ZDHHC14: variants seen among roughly 807,000 people sequenced by gnomAD.
The protein encoded by ZDHHC14 is zDHHC palmitoyltransferase 14.
In ZDHHC14, 16 loss-of-function variants were observed where a neutral mutation model predicts 47.7. The ratio of observed to expected loss-of-function variants is 0.34; its 90% CI spans 0.23 to 0.51. ZDHHC14 has a LOEUF of 0.51. Ranked by LOEUF, ZDHHC14 falls within the 20% of genes least tolerant of loss-of-function variation. The pLI is 0.97. For synonymous variants in ZDHHC14, 293 were observed against 278.9 expected (o/e 1.05, Z -0.50); for missense variants, 515 against 662.5 (o/e 0.78, Z 2.44).
intron 1 of ZDHHC14, among the ~76,000 whole-genome samples, chr6:157,481,446 A>G (rs1779628546): frequency 6.6e-6 from 1 of 152,172 alleles, no homozygotes; most frequent in Admixed American, 6.5e-5. Context: ...GCTGGTCAAG[A>G]GGAGGCCCCA....
rs1396756409 is a variant in ZDHHC14 at position 157,675,124 on chromosome 6, G to A, written c.*2002G>A. The A allele has an allele frequency of 2.0e-5, 3 of 152,268 alleles. No homozygotes were observed. The highest frequency in any genetic ancestry group is 4.4e-5 in the Non-Finnish European group (3 of 68,104). The allele number at this position is 152,268 out of a possible 1,614,324, so 9.4% of individuals were successfully genotyped here. A position where few individuals can be genotyped will look rare whatever the true frequency, so the allele number is the denominator to read the frequency against. On this transcript the variant is annotated 3_prime_UTR_variant, in exon 9 of 9. Transcript: ENST00000359775. ...TCCACCTGCTCCCCAGAGGCCCCAG[G>A]AAGGAGTTGGCCCTGATGAGAACGG... is the stretch of plus-strand genomic sequence containing the variant.
intron 5 of ZDHHC14, among the ~76,000 whole-genome samples, chr6:157,642,077 GTTGGAAA>G (rs1297154675): frequency 1.3e-5 from 2 of 150,476 alleles, no homozygotes; most frequent in African/African-American, 4.9e-5. Flanking sequence ...TAGTTATCAT[GTTGGAAA>G]TTAGAACTAA....
chr6:157,553,205 A>AT (rs1782316593), intron 2 of ZDHHC14, among the ~76,000 whole-genome samples: 1 of 152,178 alleles, frequency 6.6e-6, no homozygotes, highest in African/African-American at 2.4e-5. Flanking sequence ...GTGGTCAGAG[A>AT]TTCCCTGGGG....
chr6:157,637,291 A>G (rs1440622685), intron 5 of ZDHHC14, among the ~76,000 whole-genome samples: 1 of 152,086 alleles, frequency 6.6e-6, no homozygotes, highest in Non-Finnish European at 1.5e-5. Context: ...AGGGCCACTC[A>G]GGGGTCTGGC....
chr6:157,498,326 A>C (rs1285549130), intron 1 of ZDHHC14, among the ~76,000 whole-genome samples: 1 of 152,104 alleles, frequency 6.6e-6, no homozygotes, highest in African/African-American at 2.4e-5. Context: ...GGAGAGTGGA[A>C]GGTAGAGCGC....
At chr6:157,559,827 GA>G (rs2114838806) in intron 2 of ZDHHC14, among the ~76,000 whole-genome samples, 1 of 152,260 alleles carries the variant, frequency 6.6e-6, no homozygotes, top group South Asian at 2.1e-4. Context: ...TCAAGTTTTA[GA>G]AATAAACATG....
In ZDHHC14 at chr6:157,677,785, A is replaced by G. The variant is rs1020847640; in HGVS notation, c.*4663A>G. ...ATGCCTGGTGAAACCGAGAGGCCAC[A>G]TGGCATGTCCAAGGAGACATGCTTT... On this transcript the variant is annotated 3_prime_UTR_variant, in exon 9 of 9. Transcript: ENST00000359775. 19 of 151,178 alleles carry G rather than the reference A, an allele frequency of 1.3e-4. No individual in the cohort carries two copies. Among genetic ancestry groups the G allele is most frequent in the African/African-American group, 4.6e-4 (19 of 41,108 alleles). The allele number at this position is 151,178 out of a possible 1,614,324, so 9.4% of individuals were successfully genotyped here. A position where few individuals can be genotyped will look rare whatever the true frequency, so the allele number is the denominator to read the frequency against.
At chr6:157,531,864 G>C (rs1237896373) in intron 1 of ZDHHC14, among the ~76,000 whole-genome samples, 24 of 152,256 alleles carry the variant, frequency 1.6e-4, no homozygotes, top group Admixed American at 1.6e-3. Context: ...TCGTAACGCC[G>C]AAGACACTTT....
At chr6:157,658,883 T>G (rs1294405600) in intron 8 of ZDHHC14, among the ~76,000 whole-genome samples, 3 of 152,230 alleles carry the variant, frequency 2.0e-5, no homozygotes, top group Non-Finnish European at 4.4e-5. Flanking sequence ...TGTGAAGAAC[T>G]GCTGTTAATT....
chr6:157,640,631 G>T (rs1023690586), intron 5 of ZDHHC14, among the ~76,000 whole-genome samples: 2 of 152,174 alleles, frequency 1.3e-5, no homozygotes, highest in African/African-American at 4.8e-5. Flanking sequence ...CTGGAGCCCA[G>T]TTCTCCCAAC....
chr6:157,452,797 G>T (rs1259636529), intron 1 of ZDHHC14, among the ~76,000 whole-genome samples: 4 of 144,452 alleles, frequency 2.8e-5, no homozygotes, highest in African/African-American at 1.0e-4. Context: ...CCGCCTCCCG[G>T]GTTCAAGCGA....
intron 4 of ZDHHC14, chr6:157,630,734 TAC>T (rs201667300): frequency 0.068 from 9,220 of 135,192 alleles, 578 homozygotes; most frequent in African/African-American, 0.18. Flanking sequence ...CACACCGCCT[TAC>T]ACACACATAC....
At chr6:157,423,442 C>A (rs1311577296) in intron 1 of ZDHHC14, among the ~76,000 whole-genome samples, 1 of 151,944 alleles carries the variant, frequency 6.6e-6, no homozygotes, top group Non-Finnish European at 1.5e-5. Flanking sequence ...ATAACATTAT[C>A]CCTAGGGAAG....
intron 1 of ZDHHC14, among the ~76,000 whole-genome samples, chr6:157,455,693 G>C (rs1046075949): frequency 1.3e-5 from 2 of 152,276 alleles, no homozygotes; most frequent in South Asian, 2.1e-4. Context: ...GGGCCATTTC[G>C]GGGACATTGT....
intron 2 of ZDHHC14, among the ~76,000 whole-genome samples, chr6:157,591,408 T>C (rs866305866): frequency 6.6e-6 from 1 of 152,184 alleles, no homozygotes; most frequent in Non-Finnish European, 1.5e-5. Context: ...GTTCTTGTGA[T>C]AGTGATCTCC....
intron 7 of ZDHHC14, among the ~76,000 whole-genome samples, chr6:157,647,819 G>A (rs1471921072): frequency 6.6e-6 from 1 of 152,212 alleles, no homozygotes; most frequent in African/African-American, 2.4e-5. Context: ...CGCAGTCGTT[G>A]ATACTGTGGT....
At chr6:157,528,372 A>G (rs1054749120) in intron 1 of ZDHHC14, among the ~76,000 whole-genome samples, 4 of 152,204 alleles carry the variant, frequency 2.6e-5, no homozygotes, top group Non-Finnish European at 4.4e-5. Flanking sequence ...CCATAGATGA[A>G]TATACTTGGA....
intron 1 of ZDHHC14, among the ~76,000 whole-genome samples, chr6:157,531,326 A>G (rs529064607): frequency 4.6e-5 from 7 of 152,156 alleles, no homozygotes; most frequent in African/African-American, 1.7e-4. Context: ...AGTCCAGTCC[A>G]GGGAGGATTA....
At chr6:157,663,541 C>T (rs183460794) in intron 8 of ZDHHC14, among the ~76,000 whole-genome samples, 5 of 152,362 alleles carry the variant, frequency 3.3e-5, no homozygotes, top group Admixed American at 2.0e-4. Context: ...GTCTCATCAA[C>T]AGGCCAATAT....
Sources: gnomAD v4.1 joint callset for allele counts (sites outside exome capture counted in the v4.1 genomes callset) on GRCh38, gnomAD v4.1.1 for gene constraint, MANE v1.5 for transcripts, NCBI Gene and HGNC (gene_info 2026-07-23, HGNC 2026-07-21) for gene names.